The following PCCB variants were observed in gnomAD, a reference collection of about 807,000 sequenced individuals.
PCCB encodes propionyl-CoA carboxylase subunit beta.
A neutral mutation model predicts 60.7 loss-of-function variants in PCCB; 43 were observed. The ratio of observed to expected loss-of-function variants is 0.71; its 90% CI spans 0.55 to 0.91. PCCB has a LOEUF of 0.91. Ranked by LOEUF, PCCB falls within the 40% of genes least tolerant of loss-of-function variation. The probability of loss-of-function intolerance (pLI) is 0.00; values close to 1 mark genes in which losing one functional copy is unlikely to be tolerated. For missense variants in PCCB, 766 were observed against 702.8 expected (o/e 1.09, Z -1.02); for synonymous variants, 276 against 255.9 (o/e 1.08, Z -0.75).
intron 14 of PCCB, among the ~76,000 whole-genome samples, chr3:136,329,512 C>T (rs1205563583): frequency 1.3e-5 from 2 of 152,178 alleles, no homozygotes; most frequent in Non-Finnish European, 2.9e-5. Flanking sequence ...AATACAAATC[C>T]ACCTCTTGAA....
chr3:136,284,250 T>TA (rs1244786004), intron 6 of PCCB, among the ~76,000 whole-genome samples: 6 of 152,218 alleles, frequency 3.9e-5, no homozygotes, highest in African/African-American at 1.4e-4. Context: ...GACTGTTTAC[T>TA]GAGTCCTATT....
In PCCB at chr3:136,261,027, G is replaced by T. The variant is rs576634505; in HGVS notation, c.429+492G>T. On this transcript the variant is annotated intron_variant, in intron 4 of 14. Transcript: ENST00000251654. ...ATCAATAATGAAGAGAAATGTTAAC[G>T]ATCAGCTAGCGTTAGTAAAGATAAA... 4.3e-4 allele frequency among the ~76,000 whole-genome samples: 66 copies of T among 152,190 alleles called. 1 individual carries two copies. In the South Asian group the frequency reaches 0.013, roughly 29 times the overall value.
At chr3:136,282,333 A>G (rs542818916) in intron 5 of PCCB, among the ~76,000 whole-genome samples, 1 of 152,312 alleles carries the variant, frequency 6.6e-6, no homozygotes, top group South Asian at 2.1e-4. Flanking sequence ...AGACAGCTGA[A>G]TAGTTGTTTT....
chr3:136,307,015 G>A (rs1166955213), intron 9 of PCCB, among the ~76,000 whole-genome samples: 7 of 122,886 alleles, frequency 5.7e-5, no homozygotes, highest in African/African-American at 1.5e-4. Flanking sequence ...ACAAGGGCAA[G>A]AGAATAAAAT....
chr3:136,307,770 G>A (rs1015419735), intron 9 of PCCB, among the ~76,000 whole-genome samples: 1 of 152,102 alleles, frequency 6.6e-6, no homozygotes, highest in African/African-American at 2.4e-5. Flanking sequence ...GAGGTTGGAA[G>A]TTTGAGACCA....
chr3:136,251,110 A>G, intron 1 of PCCB: 2 of 422,434 alleles, frequency 4.7e-6, no homozygotes, highest in South Asian at 1.7e-5. Context: ...GGGCCTTAGC[A>G]TGCCTCGCCT....
At chr3:136,269,668 G>A (rs1045706397) in intron 5 of PCCB, among the ~76,000 whole-genome samples, 1 of 152,054 alleles carries the variant, frequency 6.6e-6, no homozygotes, top group Non-Finnish European at 1.5e-5. Flanking sequence ...GGCATATCAC[G>A]AGGTCAGGAG....
chr3:136,296,816 T>C (rs1349110067), intron 7 of PCCB, among the ~76,000 whole-genome samples: 2 of 152,152 alleles, frequency 1.3e-5, no homozygotes, highest in Admixed American at 6.5e-5. Context: ...TAAAATAGAA[T>C]AATAAAAATG....
At chr3:136,283,983 G>A in intron 6 of PCCB, 36 bp downstream of exon 6, 1 of 1,294,136 alleles carries the variant, frequency 7.7e-7, no homozygotes, top group South Asian at 1.2e-5. Flanking sequence ...TGCCGTTTGA[G>A]ATTTGTGCAG....
intron 6 of PCCB, among the ~76,000 whole-genome samples, chr3:136,292,254 A>G (rs575775417): frequency 2.0e-5 from 3 of 150,164 alleles, no homozygotes; most frequent in African/African-American, 7.3e-5. Flanking sequence ...TTTTTTTAAC[A>G]GTTTCAAATA....
At chr3:136,261,089 C>T (rs77396721) in intron 4 of PCCB, among the ~76,000 whole-genome samples, 5,048 of 152,068 alleles carry the variant, frequency 0.033, 292 homozygotes, top group African/African-American at 0.12. Context: ...CATGGACTCC[C>T]GTTCACAGAT....
In PCCB at chr3:136,316,818, A is replaced by G. The variant is rs1934913261; in HGVS notation, c.967-123A>G. 16 of 1,112,800 alleles carry G rather than the reference A, an allele frequency of 1.4e-5. No homozygotes were observed. The Middle Eastern group carries it at 9.5e-4, about 66-fold the overall frequency. 68.9% of individuals were successfully genotyped at this position (1,112,800 alleles called of 1,614,324 possible). A position where few individuals can be genotyped will look rare whatever the true frequency, so the allele number is the denominator to read the frequency against. ...GTCCTGCTTCCTTGGAGAACCTGTG[A>G]TAGAGCTGGAGCTGTCTACCTCTAC... On this transcript the variant is annotated intron_variant, in intron 9 of 14. Transcript: ENST00000251654.
chr3:136,279,105 C>T (rs1942407440), intron 5 of PCCB, among the ~76,000 whole-genome samples: 1 of 152,076 alleles, frequency 6.6e-6, no homozygotes. Flanking sequence ...AGTAATATAG[C>T]CACCTAGGGT....
intron 3 of PCCB, chr3:136,260,240 A>G (rs1398890642): frequency 1.8e-6 from 1 of 569,184 alleles, no homozygotes; most frequent in East Asian, 3.2e-5. Flanking sequence ...TGCGCAGCTA[A>G]CTTTTTTCTA....
chr3:136,292,785 T>C (rs1933759258), intron 6 of PCCB, among the ~76,000 whole-genome samples: 1 of 152,136 alleles, frequency 6.6e-6, no homozygotes, highest in Admixed American at 6.5e-5. Context: ...AATATATATA[T>C]AAATGCACAT....
At chr3:136,317,146 GC>G in intron 10 of PCCB, 82 bp downstream of exon 10, 10 of 1,454,106 alleles carry the variant, frequency 6.9e-6, no homozygotes, top group Non-Finnish European at 9.6e-6. Flanking sequence ...TCTGTCTTTT[GC>G]CTGTTCTTCA....
At chr3:136,266,575 CTG>C (rs1390858725) in intron 5 of PCCB, among the ~76,000 whole-genome samples, 25 of 152,152 alleles carry the variant, frequency 1.6e-4, no homozygotes, top group Non-Finnish European at 5.9e-5. Flanking sequence ...GCGTGAGCCA[CTG>C]TGCCTGGTCC....
intron 5 of PCCB, among the ~76,000 whole-genome samples, chr3:136,266,696 A>T (rs1941992578): frequency 6.6e-6 from 1 of 152,200 alleles, no homozygotes. Flanking sequence ...TGTACATATT[A>T]GTCATTTGTA....
At chr3:136,289,134 A>G (rs560493920) in intron 6 of PCCB, among the ~76,000 whole-genome samples, 25 of 152,214 alleles carry the variant, frequency 1.6e-4, no homozygotes, top group Non-Finnish European at 2.6e-4. Flanking sequence ...CTGGGATTAT[A>G]GGCATGAGAC....
Sources: allele counts gnomAD v4.1 joint callset (sites outside exome capture counted in the v4.1 genomes callset), GRCh38; gene constraint gnomAD v4.1.1; transcripts MANE v1.5; gene names NCBI Gene and HGNC (gene_info 2026-07-23, HGNC 2026-07-21).